Variants in MYO18B observed in about 807,000 individuals in gnomAD.
The protein encoded by MYO18B is myosin XVIIIB, also known as unconventional myosin-XVIIIb.
MYO18B carries 204 observed loss-of-function variants against 273.0 expected under a neutral mutation model. The ratio of observed to expected loss-of-function variants is 0.75; its 90% confidence interval spans 0.67 to 0.84. The LOEUF is 0.84. MYO18B is among the 40% of genes least tolerant of loss of function. The pLI is 0.00. For synonymous variants in MYO18B, 1,330 were observed against 1,305.7 expected (o/e 1.02, Z -0.40); for missense variants, 3,212 against 3,287.6 (o/e 0.98, Z 0.56).
At chr22:25,985,918 C>G (rs187361756) in intron 39 of MYO18B, among the ~76,000 whole-genome samples, 1 of 152,178 alleles carries the variant, frequency 6.6e-6, no homozygotes, top group African/African-American at 2.4e-5. Context: ...AGGCATGAGC[C>G]GCCCCGCCCA....
At chr22:26,012,010 G>A (rs1934956373) in intron 42 of MYO18B, among the ~76,000 whole-genome samples, 1 of 152,126 alleles carries the variant, frequency 6.6e-6, no homozygotes, top group Admixed American at 6.5e-5. Flanking sequence ...GCAGTTCTTG[G>A]TTTAAAAGGA....
At position 26,025,643 on chromosome 22, in the gene MYO18B, G is replaced by A. The variant is rs541479897; in HGVS notation, c.6471-802G>A. ...TTTGGTGAGGGGAGGGAATGGGGTCGTTTCTCTTAGAGAGAGGACAAATAG... is the reference window on the plus strand; with the variant it reads ...TTTGGTGAGGGGAGGGAATGGGGTCATTTCTCTTAGAGAGAGGACAAATAG... On this transcript the variant is annotated intron_variant, in intron 42 of 43. Coordinates refer to ENST00000335473, the MANE Select transcript of MYO18B (RefSeq NM_032608.7). Among the ~76,000 whole-genome samples the A allele has an allele frequency of 1.6e-3, 240 of 152,252 alleles. No homozygotes were observed. The Middle Eastern group carries it at 0.034, about 22-fold the overall frequency.
In MYO18B at chr22:25,769,151, C is replaced by G. The variant is rs1331574448; in HGVS notation, c.1235C>G (p.Thr412Arg). Residue 412 changes from threonine to arginine, a missense_variant, in exon 4 of 44, where the codon ACA (threonine) becomes AGA (arginine). Coordinates refer to ENST00000335473, the MANE Select transcript of MYO18B (RefSeq NM_032608.7). ...SGNAGEARSQ[T>R]EKGCEAPKEV... ...AACGCAGGTGAAGCTCGGAGTCAGA[C>G]AGAGAAGGGCTGTGAAGCCCCAAAG... 1.2e-6 allele frequency: 2 copies of G among 1,613,304 alleles called. No individual in the cohort carries two copies. Among genetic ancestry groups the G allele is most frequent in the Non-Finnish European group, 1.7e-6 (2 of 1,179,668 alleles).
At chr22:25,969,557 A>G (rs954364116) in intron 39 of MYO18B, among the ~76,000 whole-genome samples, 2 of 152,220 alleles carry the variant, frequency 1.3e-5, no homozygotes, top group Non-Finnish European at 2.9e-5. Context: ...TTGTGATAAG[A>G]CCATTTGGCC....
chr22:25,864,969 T>C (rs902586877), intron 21 of MYO18B, among the ~76,000 whole-genome samples: 2 of 152,238 alleles, frequency 1.3e-5, no homozygotes, highest in Admixed American at 6.5e-5. Flanking sequence ...TGTGTCTTTT[T>C]CCACCAACTG....
At chr22:25,972,993 C>T (rs954679859) in intron 39 of MYO18B, among the ~76,000 whole-genome samples, 3 of 151,742 alleles carry the variant, frequency 2.0e-5, no homozygotes, top group African/African-American at 4.8e-5. Flanking sequence ...AGGATCTCCT[C>T]CCATGCAGAT....
At chr22:25,835,248 T>G (rs943792271) in intron 16 of MYO18B, 48 bp from the exon 17 acceptor site, 1 of 1,586,854 alleles carries the variant, frequency 6.3e-7, no homozygotes, top group African/African-American at 1.4e-5. Flanking sequence ...CAAGACAGGC[T>G]TCTGATGGGT....
intron 1 of MYO18B, among the ~76,000 whole-genome samples, chr22:25,754,047 T>C (rs948956983): frequency 1.3e-5 from 2 of 152,134 alleles, no homozygotes; most frequent in Non-Finnish European, 2.9e-5. Context: ...AACTAACAAA[T>C]GTTGATTGAA....
chr22:25,885,301 T>C (rs757076312), intron 25 of MYO18B, among the ~76,000 whole-genome samples: 2 of 152,160 alleles, frequency 1.3e-5, no homozygotes, highest in Non-Finnish European at 2.9e-5. Flanking sequence ...ATCACTCAGC[T>C]GGTGAATGGC....
At chr22:25,979,647 T>A (rs187149083) in intron 39 of MYO18B, among the ~76,000 whole-genome samples, 26 of 152,240 alleles carry the variant, frequency 1.7e-4, no homozygotes, top group African/African-American at 5.8e-4. Flanking sequence ...CTGGAGAGGA[T>A]TTTTAGGGAT....
chr22:25,762,206 G>T (rs775342253), intron 2 of MYO18B, among the ~76,000 whole-genome samples: 44 of 152,122 alleles, frequency 2.9e-4, no homozygotes, highest in Non-Finnish European at 8.8e-5. Flanking sequence ...GGGCCCTGCA[G>T]TGCTGCCCCT....
intron 6 of MYO18B, 63 bp downstream of exon 6, chr22:25,771,047 T>C (rs963580596): frequency 1.2e-5 from 14 of 1,134,190 alleles, no homozygotes; most frequent in South Asian, 2.8e-5. Flanking sequence ...CCCAGCTCCA[T>C]ACCCTCCTTC....
chr22:25,771,842 TG>T (rs2086730955), intron 6 of MYO18B, among the ~76,000 whole-genome samples: 2 of 152,196 alleles, frequency 1.3e-5, no homozygotes, highest in African/African-American at 2.4e-5. Context: ...AGGGTTTGGG[TG>T]GTTTCCTAGG....
intron 42 of MYO18B, among the ~76,000 whole-genome samples, chr22:26,010,427 A>C (rs989213774): frequency 6.6e-6 from 1 of 152,186 alleles, no homozygotes; most frequent in Middle Eastern, 3.2e-3. Context: ...GGGCCTGGAA[A>C]ACATACTTCA....
chr22:25,966,049 A>AGAT (rs2092974297), intron 39 of MYO18B, among the ~76,000 whole-genome samples: 1 of 152,218 alleles, frequency 6.6e-6, no homozygotes, highest in Non-Finnish European at 1.5e-5. Flanking sequence ...TGTATAAAAT[A>AGAT]GATGCAATCA....
At chr22:25,817,077 C>T (rs550487264) in intron 12 of MYO18B, among the ~76,000 whole-genome samples, 52 of 152,200 alleles carry the variant, frequency 3.4e-4, no homozygotes, top group South Asian at 1.7e-3. Context: ...TATGTTATTT[C>T]TCTCTCTCGC....
chr22:25,907,322 C>T (rs200536819), intron 31 of MYO18B, among the ~76,000 whole-genome samples: 26 of 152,314 alleles, frequency 1.7e-4, no homozygotes, highest in Middle Eastern at 6.8e-3. Context: ...ACATTATGCA[C>T]GGCTCTATGC....
rs772128523 is a variant in MYO18B, at chr22:25,781,764, C to T, written c.2242C>T (p.Arg748Trp). 23 of 1,589,134 alleles carry T rather than the reference C, an allele frequency of 1.4e-5. No homozygotes were observed. Among genetic ancestry groups the T allele is most frequent in the South Asian group, 9.3e-5 (8 of 85,868 alleles). The change falls in exon 10 of 44, where the codon CGG (arginine) becomes TGG (tryptophan). Residue 748 changes from arginine to tryptophan, a missense_variant. Arg to Trp is a moderately radical substitution (Grantham distance 101). Coordinates refer to ENST00000335473, the MANE Select transcript of MYO18B (RefSeq NM_032608.7). Reference sequence around the variant, plus strand: ...GCTTTTGGAGAAGAGCCGCGTGGCACGGCAGCCGGAAGGGGAAAGTAACTT... The same window carrying T: ...GCTTTTGGAGAAGAGCCGCGTGGCATGGCAGCCGGAAGGGGAAAGTAACTT... ...TMLLEKSRVA[R>W]QPEGESNFLV...
chr22:25,745,350 T>G (rs1379368687), intron 1 of MYO18B, among the ~76,000 whole-genome samples: 1 of 152,086 alleles, frequency 6.6e-6, no homozygotes, highest in Non-Finnish European at 1.5e-5. Context: ...GCTCAAGTGA[T>G]CCACCCACCT....
Sources: gnomAD v4.1 joint callset for allele counts (sites outside exome capture counted in the v4.1 genomes callset) on GRCh38, gnomAD v4.1.1 for gene constraint, MANE v1.5 for transcripts, NCBI Gene and HGNC (gene_info 2026-07-23, HGNC 2026-07-21) for gene names.